MRTFA: variants seen among roughly 807,000 people sequenced by gnomAD.
The protein encoded by MRTFA is myocardin related transcription factor A.
A neutral mutation model predicts 83.5 loss-of-function variants in MRTFA; 20 were observed. That is an observed-to-expected ratio of 0.24 (90% CI 0.17 to 0.35). The LOEUF (loss-of-function observed/expected upper bound fraction) is 0.35, where lower values mean the gene tolerates loss of function less well. Ranked by LOEUF, MRTFA falls within the 10% of genes least tolerant of loss-of-function variation. The pLI is 1.00. For missense variants in MRTFA, 1,200 were observed against 1,224.7 expected (o/e 0.98, Z 0.30); for synonymous variants, 659 against 541.2 (o/e 1.22, Z -3.02).
intron 4 of MRTFA, among the ~76,000 whole-genome samples, chr22:40,444,723 A>C (rs1354971226): frequency 1.3e-5 from 2 of 152,090 alleles, no homozygotes; most frequent in African/African-American, 4.8e-5. Flanking sequence ...TCAGAACTGC[A>C]TGGAGGTGGG....
intron 5 of MRTFA, among the ~76,000 whole-genome samples, chr22:40,432,949 C>T (rs2053099573): frequency 6.6e-6 from 1 of 152,142 alleles, no homozygotes; most frequent in African/African-American, 2.4e-5. Flanking sequence ...TGACCAGTGG[C>T]CATGACTGAG....
At chr22:40,455,830 A>ATGTATGTATGTATGTG (rs2053576815) in intron 4 of MRTFA, among the ~76,000 whole-genome samples, 1 of 151,238 alleles carries the variant, frequency 6.6e-6, no homozygotes, top group Admixed American at 6.6e-5. Flanking sequence ...GTATGTATGT[A>ATGTATGTATGTATGTG]TGTATGTATG....
At chr22:40,499,888 A>T (rs1243936721) in intron 3 of MRTFA, among the ~76,000 whole-genome samples, 1 of 151,218 alleles carries the variant, frequency 6.6e-6, no homozygotes, top group Non-Finnish European at 1.5e-5. Flanking sequence ...AAGCAGAGGA[A>T]ACCTGGACAA....
intron 3 of MRTFA, among the ~76,000 whole-genome samples, chr22:40,480,487 T>A (rs1387051323): frequency 6.6e-6 from 1 of 152,050 alleles, no homozygotes; most frequent in African/African-American, 2.4e-5. Context: ...TGGAAAAAAG[T>A]GATCTACATA....
At chr22:40,491,057 AAG>A (rs1387086902) in intron 3 of MRTFA, among the ~76,000 whole-genome samples, 1 of 152,146 alleles carries the variant, frequency 6.6e-6, no homozygotes, top group African/African-American at 2.4e-5. Flanking sequence ...AAGACTATGA[AAG>A]AAGCCGAGCA....
chr22:40,566,554 G>T (rs2055706772), intron 2 of MRTFA, among the ~76,000 whole-genome samples: 1 of 151,970 alleles, frequency 6.6e-6, no homozygotes, highest in Non-Finnish European at 1.5e-5. Context: ...TTGAGGGCTG[G>T]GCATGGTGGC....
Position 40,473,568 on chromosome 22 carries a change from A to G in MRTFA, c.242-10282T>C, listed in dbSNP as rs149002965. Among the ~76,000 whole-genome samples, 421 of 152,232 alleles carry G rather than the reference A, an allele frequency of 2.8e-3. 4 individuals carry two copies. The highest frequency in any genetic ancestry group is 9.6e-3 in the African/African-American group (400 of 41,554). ...CTAATAATTGGTATATTTTTTCTCT[A>G]ATTTTCAGGCACCAGTCCCAGAAAA... is the stretch of plus-strand genomic sequence containing the variant. On this transcript the variant is annotated intron_variant, in intron 3 of 14. Coordinates refer to ENST00000355630, the MANE Select transcript of MRTFA (RefSeq NM_020831.6).
At chr22:40,420,745 G>C (rs2072856) in intron 10 of MRTFA, 102 bp downstream of exon 10, 1 of 1,558,526 alleles carries the variant, frequency 6.4e-7, no homozygotes, top group South Asian at 1.2e-5. Flanking sequence ...CAGACCAGCG[G>C]GTCCTTAAAG....
intron 3 of MRTFA, among the ~76,000 whole-genome samples, chr22:40,535,605 A>C (rs957252255): frequency 6.6e-6 from 1 of 152,094 alleles, no homozygotes; most frequent in Admixed American, 6.5e-5. Context: ...CCCCTGCCTC[A>C]GCTACCCAAA....
intron 4 of MRTFA, among the ~76,000 whole-genome samples, chr22:40,448,254 G>A (rs1400155347): frequency 2.6e-5 from 4 of 152,194 alleles, no homozygotes; most frequent in Non-Finnish European, 4.4e-5. Context: ...AGGTTGCAGC[G>A]AGCCAAGATC....
intron 4 of MRTFA, among the ~76,000 whole-genome samples, chr22:40,458,455 C>T (rs1250612358): frequency 6.6e-6 from 1 of 151,976 alleles, no homozygotes. Flanking sequence ...AAGGTCAGAC[C>T]CCAACACTGA....
At chr22:40,460,626 G>C (rs2053694247) in intron 4 of MRTFA, among the ~76,000 whole-genome samples, 1 of 152,226 alleles carries the variant, frequency 6.6e-6, no homozygotes, top group African/African-American at 2.4e-5. Flanking sequence ...TGTCCTTGGT[G>C]AAAGGGACAA....
At chr22:40,549,098 T>C (rs1296169449) in intron 3 of MRTFA, among the ~76,000 whole-genome samples, 4 of 152,142 alleles carry the variant, frequency 2.6e-5, no homozygotes, top group Non-Finnish European at 5.9e-5. Context: ...AGGGTCTCGC[T>C]ATGTCTCCCA....
intron 14 of MRTFA, chr22:40,414,934 G>GCC (rs3985941): frequency 0.12 from 18,794 of 150,928 alleles, 1,863 homozygotes; most frequent in Admixed American, 0.32. Flanking sequence ...GTGGGTTCTG[G>GCC]CCCCCCCTGT....
At chr22:40,508,384 T>G (rs1361631105) in intron 3 of MRTFA, among the ~76,000 whole-genome samples, 1 of 151,574 alleles carries the variant, frequency 6.6e-6, no homozygotes, top group Admixed American at 6.6e-5. Flanking sequence ...TGGTGGTGCA[T>G]GCCTGTAATT....
chr22:40,569,766 TA>T lies in MRTFA; in HGVS notation c.-21-17400del, dbSNP rs1569333141. The T allele has an allele frequency of 4.9e-3, 703 of 144,358 alleles. 8 individuals carry two copies. The highest frequency in any genetic ancestry group is 0.022 in the South Asian group (99 of 4,538). The allele number at this position is 144,358 out of a possible 1,614,324, so 8.9% of individuals were successfully genotyped here. The stretch of plus-strand genomic sequence containing the variant: ...ATACATACATACATACATACATACA[TA>T]CATACATACATCAAGGGGGTGATGT... On this transcript the variant is annotated intron_variant, in intron 2 of 14. Coordinates refer to ENST00000355630, the MANE Select transcript of MRTFA (RefSeq NM_020831.6).
chr22:40,457,476 AAG>A (rs1303605721), intron 4 of MRTFA, among the ~76,000 whole-genome samples: 1 of 146,880 alleles, frequency 6.8e-6, no homozygotes. Context: ...GAAAGAAAGA[AAG>A]AAAGAAAGAA....
chr22:40,423,095 C>T (rs1569255871), intron 9 of MRTFA, among the ~76,000 whole-genome samples: 1 of 152,186 alleles, frequency 6.6e-6, no homozygotes, highest in Non-Finnish European at 1.5e-5. Flanking sequence ...TCCCCCACAC[C>T]GACAGTGGTA....
chr22:40,586,382 A>G (rs912343061), intron 2 of MRTFA, among the ~76,000 whole-genome samples: 1 of 152,206 alleles, frequency 6.6e-6, no homozygotes, highest in African/African-American at 2.4e-5. Flanking sequence ...AGATTACTAA[A>G]GGAATAATGC....
Sources: gnomAD v4.1 joint callset for allele counts (sites outside exome capture counted in the v4.1 genomes callset) on GRCh38, gnomAD v4.1.1 for gene constraint, MANE v1.5 for transcripts, NCBI Gene and HGNC (gene_info 2026-07-23, HGNC 2026-07-21) for gene names.